The following OR10R2 variants were observed in gnomAD, a reference collection of about 807,000 sequenced individuals.
OR10R2 encodes the protein olfactory receptor 10R2.
A neutral mutation model predicts 2.4 loss-of-function variants in OR10R2; 1 was observed. That is an observed-to-expected ratio of 0.41 (90% CI 0.15 to 1.95). The LOEUF (loss-of-function observed/expected upper bound fraction) is 1.95. Among genes scored for constraint, OR10R2 ranks in the 30% most tolerant of loss-of-function variants. The pLI is 0.30. For missense variants in OR10R2, 419 were observed against 373.0 expected, an observed-to-expected ratio of 1.12 and a Z score of -1.01; for synonymous variants, 166 against 144.8, an observed-to-expected ratio of 1.15 and a Z score of -1.05.
intron 1 of OR10R2, among the ~76,000 whole-genome samples, chr1:158,474,915 T>C (rs1236223690): frequency 6.6e-6 from 1 of 152,098 alleles, no homozygotes; most frequent in Non-Finnish European, 1.5e-5. Flanking sequence ...AAAACGTATT[T>C]TCCTATAAGA....
chr1:158,480,554 T>C (rs772048262), exon 2 of OR10R2: 2 of 1,613,576 alleles, frequency 1.2e-6, no homozygotes, highest in South Asian at 1.1e-5. Flanking sequence ...GGAGTTCTTG[T>C]ACTTGTGGTT....
chr1:158,475,570 G>A lies in OR10R2; in HGVS notation c.27+3218G>A, dbSNP rs774663839. Among the ~76,000 whole-genome samples, 13 of 151,652 alleles carry A rather than the reference G, an allele frequency of 8.6e-5. No individual in the cohort carries two copies. In the South Asian group the frequency reaches 1.5e-3, roughly 17 times the overall value. On this transcript the variant is annotated intron_variant, in intron 1 of 1. Transcript: ENST00000641067. ...TTTTATAAACTGTATGCTTTTATCT[G>A]TTTTCTTCTTCAAAGTTTGTTATTT...
chr1:158,480,566 C>A (rs767027589), exon 2 of OR10R2: 1 of 1,613,444 alleles, frequency 6.2e-7, no homozygotes, highest in Non-Finnish European at 8.5e-7. Flanking sequence ...CTTGTGGTTC[C>A]CTTTCTGTTT....
intron 1 of OR10R2, among the ~76,000 whole-genome samples, chr1:158,472,691 A>C (rs1656186400): frequency 6.6e-6 from 1 of 152,236 alleles, no homozygotes; most frequent in Non-Finnish European, 1.5e-5. Flanking sequence ...GATTTTCTTC[A>C]AATTGCAGTC....
rs550994763 is a variant in OR10R2, at chr1:158,475,405, T to G, written c.27+3053T>G. 1.5e-4 allele frequency among the ~76,000 whole-genome samples: 23 copies of G among 152,232 alleles called. No homozygotes were observed. In the Middle Eastern group the frequency reaches 0.01, roughly 68 times the overall value. ...AATTATAATCTTATTAGTAAATTTTTTGTTACTAGTCATATAACACCACCA... is the reference window on the plus strand; with the variant it reads ...AATTATAATCTTATTAGTAAATTTTGTGTTACTAGTCATATAACACCACCA... On this transcript the variant is annotated intron_variant, in intron 1 of 1. Coordinates refer to ENST00000641067, the Ensembl canonical transcript of OR10R2.
At chr1:158,480,854 G>A in exon 2 of OR10R2, 1 of 1,547,584 alleles carries the variant, frequency 6.5e-7, no homozygotes, top group South Asian at 1.2e-5. Context: ...AAAGTGTTGG[G>A]CAAGAAAGGT....
At chr1:158,473,567 ATTG>A (rs1212657328) in intron 1 of OR10R2, among the ~76,000 whole-genome samples, 1 of 152,218 alleles carries the variant, frequency 6.6e-6, no homozygotes. Context: ...AGGAAAAGGC[ATTG>A]TTGTTATAAG....
chr1:158,477,864 A>G (rs1034108835), intron 1 of OR10R2, among the ~76,000 whole-genome samples: 19 of 152,200 alleles, frequency 1.2e-4, no homozygotes, highest in African/African-American at 4.6e-4. Context: ...AAGAAAAAGA[A>G]CAAAGCCAGA....
intron 1 of OR10R2, 102 bp from the exon 2 acceptor site, chr1:158,479,836 A>G: frequency 8.0e-7 from 1 of 1,254,874 alleles, no homozygotes; most frequent in South Asian, 1.4e-5. Context: ...AATAAAAGGC[A>G]AGATTCTTCT....
At chr1:158,473,081 A>G (rs1260809132) in intron 1 of OR10R2, among the ~76,000 whole-genome samples, 1 of 152,210 alleles carries the variant, frequency 6.6e-6, no homozygotes, top group Non-Finnish European at 1.5e-5. Context: ...ATTTTTATCT[A>G]GCTTCCTTGA....
intron 1 of OR10R2, chr1:158,474,369 C>T (rs912470636): frequency 4.6e-5 from 7 of 152,112 alleles, no homozygotes; most frequent in Non-Finnish European, 8.8e-5. Flanking sequence ...ACAAACAAAA[C>T]CCTATAGCTT....
At chr1:158,480,178 A>G in exon 2 of OR10R2, 1 of 1,614,108 alleles carries the variant, frequency 6.2e-7, no homozygotes, top group Non-Finnish European at 8.5e-7. Flanking sequence ...TCTACCCAAG[A>G]TGCTCATCAA....
intron 1 of OR10R2, among the ~76,000 whole-genome samples, chr1:158,477,145 A>G (rs1449204539): frequency 6.6e-6 from 1 of 152,210 alleles, no homozygotes; most frequent in African/African-American, 2.4e-5. Flanking sequence ...ACGTCCCTTC[A>G]TGATAAAAAC....
At chr1:158,472,567 CCATAG>C (rs1557874609) in intron 1 of OR10R2, among the ~76,000 whole-genome samples, 2 of 152,148 alleles carry the variant, frequency 1.3e-5, no homozygotes, top group Non-Finnish European at 2.9e-5. Context: ...GGTCTTTATT[CCATAG>C]ATGGCTTGCA....
At chr1:158,473,198 G>A (rs1432161849) in intron 1 of OR10R2, among the ~76,000 whole-genome samples, 1 of 152,162 alleles carries the variant, frequency 6.6e-6, no homozygotes, top group East Asian at 1.9e-4. Flanking sequence ...GTCAGATTTT[G>A]AATATTTGTT....
At chr1:158,475,829 T>G (rs952277339) in intron 1 of OR10R2, among the ~76,000 whole-genome samples, 2 of 151,868 alleles carry the variant, frequency 1.3e-5, no homozygotes, top group Admixed American at 1.3e-4. Flanking sequence ...CCTTTACATT[T>G]TTTTGTATTT....
chr1:158,480,153 C>G, exon 2 of OR10R2: 1 of 1,614,048 alleles, frequency 6.2e-7, no homozygotes, highest in Non-Finnish European at 8.5e-7. Context: ...CTGAGACCTT[C>G]TACACCTTTG....
rs1656363917 is a variant in OR10R2 at position 158,480,273 on chromosome 1, C to A, written c.363C>A (p.Cys121Ter). 6.2e-7 allele frequency: 1 copy of A among 1,614,090 alleles called. No homozygotes were observed. Among genetic ancestry groups the A allele is most frequent in the Non-Finnish European group, 8.5e-7 (1 of 1,180,002 alleles). ...TCCTTGGTTTTGCCATTACCAACTG[C>A]CTGCTATTGGGTGTGATGGGTTATG... The change falls in exon 2 of 2, where the codon TGC becomes TGA. Residue 121 changes from cysteine (C) to a stop codon, truncating the protein, a stop_gained. Coordinates refer to ENST00000641067, the Ensembl canonical transcript of OR10R2. LOFTEE classifies it low-confidence loss of function (END_TRUNC).
chr1:158,480,136 T>C, exon 2 of OR10R2: 1 of 1,613,938 alleles, frequency 6.2e-7, no homozygotes, highest in Middle Eastern at 1.6e-4. Flanking sequence ...TGGCATTCTC[T>C]CAACATCTGA....
Sources: gnomAD v4.1 joint callset for allele counts (sites outside exome capture counted in the v4.1 genomes callset) on GRCh38, gnomAD v4.1.1 for gene constraint, MANE v1.5 for transcripts, NCBI Gene and HGNC (gene_info 2026-07-23, HGNC 2026-07-21) for gene names.